Variants in SENP1 observed in about 807,000 individuals in gnomAD.
SENP1 encodes SUMO specific peptidase 1.
SENP1 carries 21 observed loss-of-function variants against 93.0 expected under a neutral mutation model. The ratio of observed to expected loss-of-function variants is 0.23; its 90% CI spans 0.16 to 0.33. The LOEUF is 0.33. Ranked by LOEUF, SENP1 falls within the 10% of genes least tolerant of loss-of-function variation. The pLI is 1.00. For missense variants in SENP1, 591 were observed against 758.7 expected (o/e 0.78, Z 2.60); for synonymous variants, 256 against 259.6 (o/e 0.99, Z 0.13).
intron 17 of SENP1, 104 bp from the exon 18 acceptor site, chr12:48,045,488 C>A: frequency 1.1e-6 from 1 of 878,814 alleles, no homozygotes; most frequent in South Asian, 1.5e-5. Flanking sequence ...CAAACAGTCT[C>A]AGTTGTATTT....
At position 48,098,039 on chromosome 12, in the gene SENP1, T is replaced by C; in HGVS notation, c.90A>G (p.Pro30=). Residue 30 remains proline, a synonymous_variant, in exon 3 of 18, where the codon CCA becomes CCG. Coordinates refer to ENST00000549518, the MANE Select transcript of SENP1 (RefSeq NM_001267594.2). The part of the protein sequence containing the change: ...HNSVFKTHLL[P]QTGFPEDQLS... Reference sequence around the variant, plus strand: ...GCTGGTCCTCTGGAAAACCTGTTTGTGGCAGGAGGTGGGTTTTGAATACGG... The same window carrying C: ...GCTGGTCCTCTGGAAAACCTGTTTGCGGCAGGAGGTGGGTTTTGAATACGG... 1.2e-6 allele frequency: 2 copies of C among 1,613,780 alleles called. No individual in the cohort carries two copies. Among genetic ancestry groups the C allele is most frequent in the Non-Finnish European group, 1.7e-6 (2 of 1,179,786 alleles).
intron 1 of SENP1, among the ~76,000 whole-genome samples, chr12:48,101,947 TTTC>T (rs1945964455): frequency 6.6e-6 from 1 of 152,204 alleles, no homozygotes; most frequent in Non-Finnish European, 1.5e-5. Flanking sequence ...TATTAAGACT[TTTC>T]TTCCATGTCT....
At position 48,097,859 on chromosome 12, in the gene SENP1, A is replaced by G. The variant is rs1945666641; in HGVS notation, c.135+135T>C. The G allele has an allele frequency of 6.3e-6, 5 of 797,944 alleles. No homozygotes were observed. The South Asian group carries it at 1.0e-4, about 17-fold the overall frequency. The allele number at this position is 797,944 out of a possible 1,614,324, so 49.4% of individuals were successfully genotyped here. ...TTTTAATATATAGAGCAGAATTCCA[A>G]ACACTAAAATTACTGATTCTAAAAA... On this transcript the variant is annotated intron_variant, in intron 3 of 17. Transcript: ENST00000549518.
chr12:48,045,908 C>T (rs945450205), intron 17 of SENP1, among the ~76,000 whole-genome samples: 4 of 152,166 alleles, frequency 2.6e-5, no homozygotes, highest in Non-Finnish European at 4.4e-5. Context: ...ACAGAAATGA[C>T]CAATCACTCT....
intron 6 of SENP1, among the ~76,000 whole-genome samples, chr12:48,081,986 T>G (rs978934799): frequency 1.3e-5 from 2 of 152,290 alleles, no homozygotes; most frequent in East Asian, 3.9e-4. Flanking sequence ...CCTCCTGGGT[T>G]CACGCCATTC....
intron 5 of SENP1, chr12:48,088,525 C>T: frequency 2.7e-6 from 1 of 373,704 alleles, no homozygotes; most frequent in Non-Finnish European, 4.8e-6. Context: ...TTAAGATTTG[C>T]AAGAGCCATA....
At chr12:48,072,934 T>C (rs1943811647) in intron 8 of SENP1, among the ~76,000 whole-genome samples, 1 of 151,328 alleles carries the variant, frequency 6.6e-6, no homozygotes. Context: ...CTGTAGTTCA[T>C]GATCTACAAT....
At chr12:48,085,363 C>T in intron 5 of SENP1, 1 of 1,395,258 alleles carries the variant, frequency 7.2e-7, no homozygotes, top group Non-Finnish European at 1.0e-6. Flanking sequence ...TATGAGGACG[C>T]CAAGGACTCC....
chr12:48,103,802 G>A (rs1373715396), intron 1 of SENP1, among the ~76,000 whole-genome samples: 9 of 152,128 alleles, frequency 5.9e-5, no homozygotes, highest in African/African-American at 2.2e-4. Context: ...TGGGAAACCT[G>A]AAAGAACAAA....
intron 4 of SENP1, among the ~76,000 whole-genome samples, chr12:48,091,047 G>C: frequency 6.6e-6 from 1 of 152,154 alleles, no homozygotes; most frequent in East Asian, 1.9e-4. Context: ...AAATTTAATT[G>C]TGGTTATGTT....
chr12:48,105,552 T>G, intron 1 of SENP1: 1 of 502,954 alleles, frequency 2.0e-6, no homozygotes. Context: ...GGAGAAATGT[T>G]TACGTGAGAC....
At chr12:48,081,502 T>C (rs904752965) in intron 6 of SENP1, 1 of 152,026 alleles carries the variant, frequency 6.6e-6, no homozygotes, top group African/African-American at 2.4e-5. Flanking sequence ...CAGTTTCTTG[T>C]CTATCCCTTG....
intron 6 of SENP1, among the ~76,000 whole-genome samples, chr12:48,079,276 G>A (rs10875737): frequency 0.17 from 25,304 of 152,130 alleles, 2,432 homozygotes; most frequent in East Asian, 0.28. Context: ...GAGGCAGGTG[G>A]ATCATGAAGT....
chr12:48,065,397 A>T (rs935818557), intron 11 of SENP1, among the ~76,000 whole-genome samples, 177 bp from the exon 12 acceptor site: 1 of 152,162 alleles, frequency 6.6e-6, no homozygotes, highest in African/African-American at 2.4e-5. Context: ...CAAGTAGGGG[A>T]CTATCTATAT....
At chr12:48,046,848 G>GAAAC in intron 16 of SENP1, 130 bp downstream of exon 16, 2 of 632,410 alleles carry the variant, frequency 3.2e-6, no homozygotes, top group Non-Finnish European at 5.6e-6. Flanking sequence ...TCCTCCCCCA[G>GAAAC]AAACCAACCA....
At position 48,088,949 on chromosome 12, in the gene SENP1, A is replaced by G. The variant is rs1228074610; in HGVS notation, c.232T>C (p.Ser78Pro). Residue 78 changes from serine (S) to proline (P), a missense_variant, in exon 5 of 18, where the codon TCA becomes CCA. Physicochemically the swap from Ser to Pro is moderately conservative, Grantham distance 74 (BLOSUM62 -1). Coordinates refer to ENST00000549518, the MANE Select transcript of SENP1 (RefSeq NM_001267594.2). Reference sequence around the variant, plus strand: ...TCGCCTGAGCCAAGAAAACTGTCTGAGGAAGGATTATCTAAAAAAATAAAA... The same window carrying G: ...TCGCCTGAGCCAAGAAAACTGTCTGGGGAAGGATTATCTAAAAAAATAAAA... The part of the protein sequence containing the change: ...NPSYYSDNPS[S>P]DSFLGSGDLR... 1 of 1,579,642 alleles carries G rather than the reference A, an allele frequency of 6.3e-7. No homozygotes were observed. Among genetic ancestry groups the G allele is most frequent in the African/African-American group, 1.4e-5 (1 of 73,330 alleles).
intron 13 of SENP1, among the ~76,000 whole-genome samples, chr12:48,054,107 G>C (rs998305884): frequency 6.6e-6 from 1 of 152,184 alleles, no homozygotes; most frequent in Non-Finnish European, 1.5e-5. Flanking sequence ...AGTAGAGGAA[G>C]TGTTCCTGGT....
chr12:48,079,036 A>C lies in SENP1; in HGVS notation c.553-4243T>G, dbSNP rs570974986. Among the ~76,000 whole-genome samples, 9 of 152,300 alleles carry C rather than the reference A, an allele frequency of 5.9e-5. No homozygotes were observed. The East Asian group carries it at 1.7e-3, about 29-fold the overall frequency. ...CATATTAGCATGTGCCTGTAGTTGCAGCTACTCAGAAGGCAAAAGAGGGAG... is the reference window on the plus strand; with the variant it reads ...CATATTAGCATGTGCCTGTAGTTGCCGCTACTCAGAAGGCAAAAGAGGGAG... On this transcript the variant is annotated intron_variant, in intron 6 of 17. Transcript: ENST00000549518.
chr12:48,080,199 C>T (rs1332589785), intron 6 of SENP1: 2 of 152,156 alleles, frequency 1.3e-5, no homozygotes, highest in African/African-American at 4.8e-5. Flanking sequence ...TTGCCCTGTC[C>T]AATATGGTAG....
Sources: allele counts gnomAD v4.1 joint callset (sites outside exome capture counted in the v4.1 genomes callset), GRCh38; gene constraint gnomAD v4.1.1; transcripts MANE v1.5; gene names NCBI Gene and HGNC (gene_info 2026-07-23, HGNC 2026-07-21).